The following ZNF75A variants were observed in gnomAD, a reference collection of about 807,000 sequenced individuals.
The protein encoded by ZNF75A is zinc finger protein 75A.
Under a neutral mutation model 46.3 loss-of-function variants are expected in ZNF75A, and 36 were observed. The ratio of observed to expected loss-of-function variants is 0.78; its 90% confidence interval spans 0.60 to 1.03. The LOEUF is 1.03. Among genes scored for constraint, ZNF75A ranks in the 50% least tolerant of loss-of-function variants. The pLI, the probability that ZNF75A is intolerant of heterozygous loss-of-function variation, is 0.00. For missense variants in ZNF75A, 595 were observed against 551.3 expected, an observed-to-expected ratio of 1.08 and a Z score of -0.79; for synonymous variants, 234 against 189.9, an observed-to-expected ratio of 1.23 and a Z score of -1.91.
chr16:3,314,112 A>G (rs1009882311), intron 5 of ZNF75A, among the ~76,000 whole-genome samples: 5 of 152,122 alleles, frequency 3.3e-5, no homozygotes, highest in Non-Finnish European at 7.4e-5. Flanking sequence ...ACTGAGGATA[A>G]TCATCTGGGG....
chr16:3,309,175 G>T, intron 2 of ZNF75A: 1 of 152,432 alleles, frequency 6.6e-6, no homozygotes. Context: ...GAGTCAGGGA[G>T]GCTGGATGCA....
At chr16:3,316,466 T>C (rs1174615803) in intron 5 of ZNF75A, 1 of 152,646 alleles carries the variant, frequency 6.6e-6, no homozygotes, top group Admixed American at 6.5e-5. Flanking sequence ...AAAAAGTAGC[T>C]GTAATTATAA....
chr16:3,308,334 T>C lies in ZNF75A; in HGVS notation c.-95T>C, dbSNP rs1960443307. 1.1e-6 allele frequency: 1 copy of C among 876,458 alleles called. No homozygotes were observed. The highest frequency in any genetic ancestry group is 6.2e-5 in the Admixed American group (1 of 16,142). The allele number at this position is 876,458 out of a possible 1,614,324, so 54.3% of individuals were successfully genotyped here. A position where few individuals can be genotyped will look rare whatever the true frequency, so the allele number is the denominator to read the frequency against. The stretch of plus-strand genomic sequence containing the variant: ...TCAGTGCTTTTAGGAAGAAGATCCT[T>C]TTATTGCTTTTGTACAAGACCAGAC... On this transcript the variant is annotated 5_prime_UTR_variant, in exon 2 of 7. Coordinates refer to ENST00000669516, the MANE Select transcript of ZNF75A (RefSeq NM_001302109.2).
intron 2 of ZNF75A, among the ~76,000 whole-genome samples, chr16:3,310,372 C>T (rs968002672): frequency 2.0e-5 from 3 of 150,746 alleles, no homozygotes; most frequent in Non-Finnish European, 4.4e-5. Flanking sequence ...CCAGCCAGGG[C>T]AACTGAGCGA....
downstream of ZNF75A, among the ~76,000 whole-genome samples, chr16:3,321,934 A>G (rs1376073372): frequency 6.6e-6 from 1 of 152,204 alleles, no homozygotes; most frequent in Non-Finnish European, 1.5e-5. Flanking sequence ...CTTTTATCCA[A>G]ATGGACAATT....
chr16:3,319,973 C>T (rs542975111), downstream of ZNF75A, among the ~76,000 whole-genome samples: 28 of 152,126 alleles, frequency 1.8e-4, no homozygotes, highest in Admixed American at 1.2e-3. Flanking sequence ...TTTGTGAGAA[C>T]AAGAAATAAA....
chr16:3,310,575 A>G lies in ZNF75A; in HGVS notation c.409-1178A>G, dbSNP rs1439240545. ...GGGGAGGATGAGACTGCAGTGAGCC[A>G]TGATTGTACCACTGTACCCCAGCCT... is the stretch of plus-strand genomic sequence containing the variant. On this transcript the variant is annotated intron_variant, in intron 2 of 6. Coordinates refer to ENST00000669516, the MANE Select transcript of ZNF75A (RefSeq NM_001302109.2). 11 of 719,704 alleles carry G rather than the reference A, an allele frequency of 1.5e-5. No individual in the cohort carries two copies. In the South Asian group the frequency reaches 4.5e-4, roughly 29 times the overall value. The allele number at this position is 719,704 out of a possible 1,614,324, so 44.6% of individuals were successfully genotyped here.
chr16:3,317,071 G>A, intron 6 of ZNF75A, 49 bp downstream of exon 6: 4 of 1,561,722 alleles, frequency 2.6e-6, no homozygotes, highest in Non-Finnish European at 2.6e-6. Flanking sequence ...GTGAACTTTT[G>A]CAAGGGCTTA....
chr16:3,313,097 T>C lies in ZNF75A; in HGVS notation c.745T>C (p.Trp249Arg), dbSNP rs780372801. 1 of 1,614,004 alleles carries C rather than the reference T, an allele frequency of 6.2e-7. No homozygotes were observed. The highest frequency in any genetic ancestry group is 1.1e-5 in the South Asian group (1 of 91,062). ...EVAMYFSQEEWELLDPTQKAL... is the reference protein window; with the variant it reads ...EVAMYFSQEERELLDPTQKAL... ...GGCCATGTATTTTTCCCAGGAAGAA[T>C]GGGAGTTATTGGATCCCACTCAGAA... The change falls in exon 5 of 7, where the codon TGG becomes CGG. Residue 249 changes from tryptophan (W) to arginine (R), a missense_variant. Transcript: ENST00000669516.
rs564539644 is a variant in ZNF75A, at chr16:3,317,584, A to G, written c.1329A>G (p.Ser443=). The G allele has an allele frequency of 6.2e-7, 1 of 1,614,200 alleles. No individual in the cohort carries two copies. Among genetic ancestry groups the G allele is most frequent in the Non-Finnish European group, 8.5e-7 (1 of 1,180,028 alleles). The change falls in exon 7 of 7, where the codon TCA becomes TCG. Residue 443 remains serine, a synonymous_variant. Coordinates refer to ENST00000669516, the MANE Select transcript of ZNF75A (RefSeq NM_001302109.2). ...GTGATAAGAGGTTTAGATGGAGTTCAGATCTTAATAAGCACTTAACAACAC... is the reference window on the plus strand; with the variant it reads ...GTGATAAGAGGTTTAGATGGAGTTCGGATCTTAATAAGCACTTAACAACAC... The part of the protein sequence containing the change: ...QQCDKRFRWS[S]DLNKHLTTHQ...
At chr16:3,319,802 T>TA (rs199656795), downstream of ZNF75A, among the ~76,000 whole-genome samples, 292 of 144,098 alleles carry the variant, frequency 2.0e-3, 2 homozygotes, top group Middle Eastern at 3.5e-3. Flanking sequence ...TTTTTATTTT[T>TA]TTTTTTATTT....
At chr16:3,314,588 CCTTTT>C (rs991431606) in intron 5 of ZNF75A, among the ~76,000 whole-genome samples, 1 of 152,226 alleles carries the variant, frequency 6.6e-6, no homozygotes, top group African/African-American at 2.4e-5. Flanking sequence ...TCCCTTGGCT[CCTTTT>C]CTTCTGCCTT....
Position 3,318,258 on chromosome 16 carries a change from C to A in ZNF75A, c.*389C>A, listed in dbSNP as rs1309533460. Reference sequence around the variant, plus strand: ...ATTACAATGTAAAGTGTTCCAGGAACCAAATTGGATTTTCTTTCTTTTGTC... The same window carrying A: ...ATTACAATGTAAAGTGTTCCAGGAAACAAATTGGATTTTCTTTCTTTTGTC... On this transcript the variant is annotated 3_prime_UTR_variant, in exon 7 of 7. Transcript: ENST00000669516. 6 of 992,520 alleles carry A rather than the reference C, an allele frequency of 6.0e-6. No individual in the cohort carries two copies. The South Asian group carries it at 1.4e-4, about 23-fold the overall frequency. The allele number at this position is 992,520 out of a possible 1,614,324, so 61.5% of individuals were successfully genotyped here. A position where few individuals can be genotyped will look rare whatever the true frequency, so the allele number is the denominator to read the frequency against.
In ZNF75A at chr16:3,313,088, C is replaced by T. The variant is rs1446856133; in HGVS notation, c.736C>T (p.Gln246Ter). The T allele has an allele frequency of 1.9e-6, 3 of 1,613,528 alleles. No individual in the cohort carries two copies. Among genetic ancestry groups the T allele is most frequent in the Non-Finnish European group, 2.5e-6 (3 of 1,179,804 alleles). Reference sequence around the variant, plus strand: ...TGAAGAAGTGGCCATGTATTTTTCCCAGGAAGAATGGGAGTTATTGGATCC... The same window carrying T: ...TGAAGAAGTGGCCATGTATTTTTCCTAGGAAGAATGGGAGTTATTGGATCC... ...TFEEVAMYFS[Q>*]EEWELLDPTQ... The change falls in exon 5 of 7, where the codon CAG becomes TAG. Residue 246 changes from glutamine (Q) to a stop codon, truncating the protein, a stop_gained. Transcript: ENST00000669516. LOFTEE classifies it high-confidence loss of function.
intron 5 of ZNF75A, 99 bp from the exon 6 acceptor site, chr16:3,316,813 A>T: frequency 1.3e-6 from 1 of 777,796 alleles, no homozygotes. Flanking sequence ...GGAGTAACAA[A>T]TTGTAAAATG....
chr16:3,323,161 A>G (rs1014323568), downstream of ZNF75A: 1 of 600,460 alleles, frequency 1.7e-6, no homozygotes, highest in African/African-American at 1.9e-5. Context: ...ATTGATAAAA[A>G]TTTACTGCAG....
intron 2 of ZNF75A, chr16:3,310,731 C>T: frequency 2.0e-6 from 2 of 985,534 alleles, no homozygotes; most frequent in South Asian, 4.7e-5. Flanking sequence ...AAAATCCCAA[C>T]AGAATAGCCA....
chr16:3,317,314 C>G lies in ZNF75A; in HGVS notation c.1059C>G (p.Gly353=), dbSNP rs1457855222. ...TAAAAGTTCCCCAGAAAACAGCAGG[C>G]AAAGAAAATCATTTTGATATGCACA... The part of the protein sequence containing the change: ...AKVKVPQKTA[G]KENHFDMHRV... The change falls in exon 7 of 7, where the codon GGC becomes GGG. Residue 353 remains glycine, a synonymous_variant. Transcript: ENST00000669516. The G allele has an allele frequency of 1.2e-6, 2 of 1,613,908 alleles. No homozygotes were observed. The highest frequency in any genetic ancestry group is 1.7e-5 in the Admixed American group (1 of 60,010).
At chr16:3,310,644 CA>C (rs964169338) in intron 2 of ZNF75A, 2 of 957,170 alleles carry the variant, frequency 2.1e-6, no homozygotes, top group African/African-American at 2.9e-5. Flanking sequence ...AACAAACAAA[CA>C]AAAAAAACAA....
Sources: gnomAD v4.1 joint callset for allele counts (sites outside exome capture counted in the v4.1 genomes callset) on GRCh38, gnomAD v4.1.1 for gene constraint, MANE v1.5 for transcripts, NCBI Gene and HGNC (gene_info 2026-07-23, HGNC 2026-07-21) for gene names.